IMMP2L: variants seen among roughly 807,000 people sequenced by gnomAD.
The protein encoded by IMMP2L is inner mitochondrial membrane peptidase subunit 2.
In IMMP2L, 18 loss-of-function variants were observed where a neutral mutation model predicts 19.3. The ratio of observed to expected loss-of-function variants is 0.93; its 90% CI spans 0.64 to 1.38. The LOEUF is 1.38. Ranked by LOEUF, IMMP2L falls within the 40% of genes most tolerant of loss-of-function variation. The pLI is 0.00. For synonymous variants in IMMP2L, 76 were observed against 73.0 expected (o/e 1.04, Z -0.21); for missense variants, 233 against 218.2 (o/e 1.07, Z -0.43).
At chr7:110,718,342 T>C (rs1022671951) in intron 5 of IMMP2L, among the ~76,000 whole-genome samples, 1 of 152,220 alleles carries the variant, frequency 6.6e-6, no homozygotes, top group Non-Finnish European at 1.5e-5. Flanking sequence ...GAGTGGTAGA[T>C]ATTTGGAGCA....
At chr7:111,324,940 G>A (rs770388914) in intron 3 of IMMP2L, among the ~76,000 whole-genome samples, 5 of 151,668 alleles carry the variant, frequency 3.3e-5, no homozygotes, top group African/African-American at 1.2e-4. Context: ...AGATAAGTCT[G>A]CCACATCCAT....
intron 3 of IMMP2L, among the ~76,000 whole-genome samples, chr7:111,458,717 A>G (rs11767630): frequency 0.095 from 14,460 of 151,686 alleles, 885 homozygotes; most frequent in African/African-American, 0.16. Flanking sequence ...ATCTTGATTC[A>G]CTCCTTCACA....
chr7:111,188,521 T>C (rs1586745879), intron 3 of IMMP2L, among the ~76,000 whole-genome samples: 2 of 151,958 alleles, frequency 1.3e-5, no homozygotes. Flanking sequence ...TCCCAAAGGC[T>C]CCACCTCCTA....
At chr7:111,318,727 G>T (rs1824371444) in intron 3 of IMMP2L, among the ~76,000 whole-genome samples, 3 of 151,962 alleles carry the variant, frequency 2.0e-5, no homozygotes, top group Non-Finnish European at 4.4e-5. Context: ...ATACCATAAT[G>T]AAGAAAAATT....
At chr7:111,315,900 G>C (rs750502310) in intron 3 of IMMP2L, among the ~76,000 whole-genome samples, 9 of 152,082 alleles carry the variant, frequency 5.9e-5, no homozygotes, top group Non-Finnish European at 1.3e-4. Flanking sequence ...GTACAGTTAT[G>C]CATCACTTAA....
chr7:110,955,826 A>G (rs2129554687), intron 4 of IMMP2L, among the ~76,000 whole-genome samples: 1 of 151,834 alleles, frequency 6.6e-6, no homozygotes, highest in South Asian at 2.1e-4. Flanking sequence ...ATCTCTAATT[A>G]TTAATCTACC....
chr7:111,268,941 T>C (rs1020894091), intron 3 of IMMP2L, among the ~76,000 whole-genome samples: 2 of 152,044 alleles, frequency 1.3e-5, no homozygotes, highest in African/African-American at 4.8e-5. Context: ...TTCTGGTCCT[T>C]GGTAAATTGG....
At chr7:111,271,056 C>T (rs143081908) in intron 3 of IMMP2L, among the ~76,000 whole-genome samples, 1,625 of 152,198 alleles carry the variant, frequency 0.011, 30 homozygotes, top group African/African-American at 0.036. Flanking sequence ...GGGAGGGACC[C>T]AATGGGAGGT....
intron 2 of IMMP2L, among the ~76,000 whole-genome samples, chr7:111,502,112 G>A (rs1280810211): frequency 2.0e-5 from 3 of 152,030 alleles, no homozygotes; most frequent in African/African-American, 7.2e-5. Context: ...TCAAAATAAA[G>A]GGATGGAGGA....
chr7:111,038,203 A>G (rs1201393146), intron 3 of IMMP2L, among the ~76,000 whole-genome samples: 1 of 152,214 alleles, frequency 6.6e-6, no homozygotes, highest in East Asian at 1.9e-4. Flanking sequence ...AAAGGCAAAG[A>G]AAGAGAGTAA....
At chr7:110,896,257 A>T (rs188928651) in intron 4 of IMMP2L, among the ~76,000 whole-genome samples, 300 of 152,258 alleles carry the variant, frequency 2.0e-3, no homozygotes, top group Non-Finnish European at 3.1e-3. Context: ...ATAACTCCAC[A>T]CTGTAAAGAA....
chr7:111,237,705 T>C (rs1180754319), intron 3 of IMMP2L, among the ~76,000 whole-genome samples: 1 of 151,980 alleles, frequency 6.6e-6, no homozygotes, highest in Non-Finnish European at 1.5e-5. Flanking sequence ...AAAAAAACTT[T>C]AGGACAATTT....
At chr7:111,388,400 C>T (rs1831998803) in intron 3 of IMMP2L, among the ~76,000 whole-genome samples, 1 of 151,886 alleles carries the variant, frequency 6.6e-6, no homozygotes, top group Non-Finnish European at 1.5e-5. Flanking sequence ...AAGAATAAAC[C>T]CTGTCGTTTG....
At chr7:111,375,371 T>G (rs1229756686) in intron 3 of IMMP2L, among the ~76,000 whole-genome samples, 1 of 152,110 alleles carries the variant, frequency 6.6e-6, no homozygotes, top group East Asian at 1.9e-4. Context: ...TGTCAAGGTC[T>G]GGTACTCAAC....
At chr7:111,092,944 T>C (rs1797018656) in intron 3 of IMMP2L, among the ~76,000 whole-genome samples, 1 of 152,182 alleles carries the variant, frequency 6.6e-6, no homozygotes, top group Non-Finnish European at 1.5e-5. Flanking sequence ...TTTCCACAAC[T>C]GTGATTTCAG....
chr7:111,340,361 T>C (rs1173139609), intron 3 of IMMP2L, among the ~76,000 whole-genome samples: 5 of 152,000 alleles, frequency 3.3e-5, no homozygotes, highest in Admixed American at 3.3e-4. Flanking sequence ...AACAGAAAAA[T>C]ATAAAAGATG....
chr7:111,017,036 C>T (rs1187372076), intron 3 of IMMP2L, among the ~76,000 whole-genome samples: 1 of 122,250 alleles, frequency 8.2e-6, no homozygotes, highest in African/African-American at 3.2e-5. Context: ...CTCAACAGAA[C>T]TTCATATTGC....
At chr7:111,436,946 T>A (rs756406831) in intron 3 of IMMP2L, among the ~76,000 whole-genome samples, 1 of 151,608 alleles carries the variant, frequency 6.6e-6, no homozygotes, top group African/African-American at 2.4e-5. Flanking sequence ...AGATTTTGCA[T>A]GAACTTAGAG....
In IMMP2L at chr7:110,890,898, A is replaced by G. The variant is rs1476442761; in HGVS notation, c.306-4203T>C. Among the ~76,000 whole-genome samples, 5 of 152,174 alleles carry G rather than the reference A, an allele frequency of 3.3e-5. No individual in the cohort carries two copies. In the South Asian group the frequency reaches 6.2e-4, roughly 19 times the overall value. On this transcript the variant is annotated intron_variant, in intron 4 of 5. Transcript: ENST00000405709. ...ATCTTTTGAGTGTCATCGGGTGAAT[A>G]CAAAAGTATTGTCTAGGTAATTCTT...
Sources: allele counts gnomAD v4.1 joint callset (sites outside exome capture counted in the v4.1 genomes callset), GRCh38; gene constraint gnomAD v4.1.1; transcripts MANE v1.5; gene names NCBI Gene and HGNC (gene_info 2026-07-23, HGNC 2026-07-21).